Variants in PTPRO observed in about 807,000 individuals in gnomAD.
The protein encoded by PTPRO is receptor-type tyrosine-protein phosphatase O.
In PTPRO, 62 loss-of-function variants were observed where a neutral mutation model predicts 145.2. That is an observed-to-expected ratio of 0.43 (90% CI 0.35 to 0.53). PTPRO has a LOEUF of 0.53. Ranked by LOEUF, PTPRO falls within the 20% of genes least tolerant of loss-of-function variation. The pLI is 0.01. For missense variants in PTPRO, 1,345 were observed against 1,482.7 expected (o/e 0.91, Z 1.53); for synonymous variants, 565 against 514.7 (o/e 1.10, Z -1.32).
intron 1 of PTPRO, among the ~76,000 whole-genome samples, chr12:15,376,045 GC>G (rs1290278629): frequency 6.6e-6 from 1 of 152,080 alleles, no homozygotes; most frequent in Admixed American, 6.6e-5. Flanking sequence ...CATTATGTGA[GC>G]TCCAGAAATA....
At chr12:15,543,218 T>C (rs1437981871) in intron 12 of PTPRO, among the ~76,000 whole-genome samples, 1 of 152,166 alleles carries the variant, frequency 6.6e-6, no homozygotes, top group Admixed American at 6.6e-5. Context: ...TACACAGTGA[T>C]CACAGGTGCA....
chr12:15,560,666 C>T (rs980348795), intron 17 of PTPRO, among the ~76,000 whole-genome samples: 3 of 151,920 alleles, frequency 2.0e-5, no homozygotes, highest in African/African-American at 7.2e-5. Context: ...CTATACAATC[C>T]TCTGTATCTG....
intron 2 of PTPRO, among the ~76,000 whole-genome samples, chr12:15,490,250 C>T (rs1268903330): frequency 6.6e-6 from 1 of 152,154 alleles, no homozygotes; most frequent in Non-Finnish European, 1.5e-5. Context: ...TGATTACTTT[C>T]TCTAAATCTT....
intron 1 of PTPRO, chr12:15,439,669 C>T (rs555986600): frequency 4.0e-5 from 17 of 430,094 alleles, no homozygotes; most frequent in African/African-American, 2.0e-4. Context: ...GCTGAGGCCA[C>T]GGAGCTCACT....
At chr12:15,594,226 A>G (rs1944610794) in intron 25 of PTPRO, among the ~76,000 whole-genome samples, 1 of 151,962 alleles carries the variant, frequency 6.6e-6, no homozygotes, top group Non-Finnish European at 1.5e-5. Context: ...ACTGCTCTTA[A>G]TTTTAGAAAT....
At chr12:15,478,366 G>A (rs897208006) in intron 1 of PTPRO, among the ~76,000 whole-genome samples, 2 of 152,172 alleles carry the variant, frequency 1.3e-5, no homozygotes. Context: ...TCAAATCCTA[G>A]CTTATGAAAT....
intron 1 of PTPRO, among the ~76,000 whole-genome samples, chr12:15,336,622 TAA>T (rs893297127): frequency 2.0e-5 from 3 of 151,310 alleles, no homozygotes; most frequent in Non-Finnish European, 4.4e-5. Context: ...GCATGCTGGT[TAA>T]AAAAAAAGAT....
intron 1 of PTPRO, among the ~76,000 whole-genome samples, chr12:15,447,224 A>G (rs975404583): frequency 2.6e-5 from 4 of 152,106 alleles, no homozygotes; most frequent in African/African-American, 7.2e-5. Flanking sequence ...GTCTTTGTGG[A>G]TGGATTTCAT....
At chr12:15,397,122 C>T (rs995767397) in intron 1 of PTPRO, among the ~76,000 whole-genome samples, 1 of 151,980 alleles carries the variant, frequency 6.6e-6, no homozygotes, top group African/African-American at 2.4e-5. Context: ...AATATTTTAG[C>T]CACTGGCATA....
chr12:15,431,461 T>A (rs1442587034), intron 1 of PTPRO, among the ~76,000 whole-genome samples: 2 of 152,338 alleles, frequency 1.3e-5, no homozygotes, highest in Non-Finnish European at 2.9e-5. Context: ...AAATTTCACA[T>A]AAGGAGCCCT....
intron 15 of PTPRO, among the ~76,000 whole-genome samples, chr12:15,557,165 C>G (rs908334368): frequency 6.6e-6 from 1 of 151,970 alleles, no homozygotes; most frequent in African/African-American, 2.4e-5. Context: ...CTCAGCCTCC[C>G]GAGTAGCTGG....
At chr12:15,329,930 G>C (rs1398230088) in intron 1 of PTPRO, among the ~76,000 whole-genome samples, 1 of 152,208 alleles carries the variant, frequency 6.6e-6, no homozygotes, top group Non-Finnish European at 1.5e-5. Flanking sequence ...CAAAGGCAGA[G>C]AAAACTGCAC....
At chr12:15,348,327 A>T (rs1180377571) in intron 1 of PTPRO, 3 of 152,266 alleles carry the variant, frequency 2.0e-5, no homozygotes, top group Non-Finnish European at 4.4e-5. Flanking sequence ...AGGCAGTGGA[A>T]GGTGATAAGC....
chr12:15,349,431 AT>A (rs1937716993), intron 1 of PTPRO, among the ~76,000 whole-genome samples: 1 of 152,226 alleles, frequency 6.6e-6, no homozygotes, highest in African/African-American at 2.4e-5. Flanking sequence ...CCAGCTGCAA[AT>A]GGGGAATGGA....
At chr12:15,513,094 A>AT (rs1166720160) in intron 7 of PTPRO, among the ~76,000 whole-genome samples, 1 of 8,028 alleles carries the variant, frequency 1.2e-4, no homozygotes, top group Non-Finnish European at 2.9e-4. Flanking sequence ...GAAAGAAAGA[A>AT]GAAAGAAAGA....
chr12:15,549,557 TATC>T (rs1943398109), intron 14 of PTPRO, among the ~76,000 whole-genome samples: 6 of 152,222 alleles, frequency 3.9e-5, no homozygotes. Flanking sequence ...ACAGTACTCT[TATC>T]AATCCAATTT....
At chr12:15,414,616 T>C (rs1278311005) in intron 1 of PTPRO, among the ~76,000 whole-genome samples, 1 of 152,244 alleles carries the variant, frequency 6.6e-6, no homozygotes, top group Non-Finnish European at 1.5e-5. Flanking sequence ...GTGTGACTCA[T>C]CTTTCTGACA....
intron 4 of PTPRO, 141 bp from the exon 5 acceptor site, chr12:15,501,479 A>T: frequency 1.3e-6 from 1 of 771,220 alleles, no homozygotes; most frequent in Admixed American, 2.6e-5. Context: ...GCTTATCTTG[A>T]TGTAAATTTG....
chr12:15,548,176 GA>G, intron 13 of PTPRO, among the ~76,000 whole-genome samples: 1 of 151,274 alleles, frequency 6.6e-6, no homozygotes, highest in Middle Eastern at 3.4e-3. Flanking sequence ...TTGAACAGAT[GA>G]AAACTTCAGC....
Sources: gnomAD v4.1 joint callset for allele counts (sites outside exome capture counted in the v4.1 genomes callset) on GRCh38, gnomAD v4.1.1 for gene constraint, MANE v1.5 for transcripts, NCBI Gene and HGNC (gene_info 2026-07-23, HGNC 2026-07-21) for gene names.